Variants in PHF24 observed in about 807,000 individuals in gnomAD.
The protein encoded by PHF24 is PHD finger protein 24, also known as Galpha inhibitory interacting protein.
A neutral mutation model predicts 42.6 loss-of-function variants in PHF24; 25 were observed. The ratio of observed to expected loss-of-function variants is 0.59; its 90% CI spans 0.43 to 0.82. The LOEUF (loss-of-function observed/expected upper bound fraction) is 0.82. PHF24 is among the 40% of genes least tolerant of loss of function. The pLI, the probability that PHF24 is intolerant of heterozygous loss-of-function variation, is 0.00. For missense variants in PHF24, 470 were observed against 538.1 expected (o/e 0.87, Z 1.25); for synonymous variants, 185 against 204.8 (o/e 0.90, Z 0.83).
chr9:34,799,435 C>A, the PHF24 span, among the ~76,000 whole-genome samples: 1 of 152,126 alleles, frequency 6.6e-6, no homozygotes. Context: ...TAGCACATAG[C>A]AAGAAGTTCA....
chr9:34,718,032 C>T, the PHF24 span, among the ~76,000 whole-genome samples: 1 of 152,206 alleles, frequency 6.6e-6, no homozygotes, highest in Non-Finnish European at 1.5e-5. Flanking sequence ...CTTACTGTAT[C>T]TTCCACCTCC....
At chr9:34,881,559 A>G in the PHF24 span, among the ~76,000 whole-genome samples, 2 of 152,222 alleles carry the variant, frequency 1.3e-5, no homozygotes, top group African/African-American at 2.4e-5. Flanking sequence ...AATACAAACT[A>G]TCATCAGAGA....
chr9:34,838,489 A>C, the PHF24 span: 7 of 1,343,870 alleles, frequency 5.2e-6, no homozygotes, highest in Non-Finnish European at 7.3e-6. Flanking sequence ...AGTAGGGCTC[A>C]ACATGGTCTA....
chr9:34,944,873 T>G, the PHF24 span, among the ~76,000 whole-genome samples: 1 of 128,436 alleles, frequency 7.8e-6, no homozygotes, highest in Non-Finnish European at 1.6e-5. Context: ...GGAAACATAA[T>G]GAGAACTTGT....
chr9:34,784,493 GATGGT>G, the PHF24 span, among the ~76,000 whole-genome samples: 2 of 152,202 alleles, frequency 1.3e-5, no homozygotes, highest in African/African-American at 4.8e-5. Flanking sequence ...GGTACCATAA[GATGGT>G]ATGGTAGGTG....
chr9:34,917,295 C>T, the PHF24 span: 1 of 1,007,054 alleles, frequency 9.9e-7, no homozygotes, highest in African/African-American at 1.6e-5. Context: ...AAAAGGACTG[C>T]ACTGCAAGAC....
chr9:34,708,129 TG>T, the PHF24 span, among the ~76,000 whole-genome samples: 6 of 151,686 alleles, frequency 4.0e-5, no homozygotes, highest in African/African-American at 1.2e-4. Flanking sequence ...CGCCTGGAGG[TG>T]ATTTGGGGAA....
chr9:34,767,411 G>T, the PHF24 span, among the ~76,000 whole-genome samples: 1 of 152,254 alleles, frequency 6.6e-6, no homozygotes, highest in Non-Finnish European at 1.5e-5. Flanking sequence ...GGCAATGGCG[G>T]ACGCCCCTCC....
the PHF24 span, among the ~76,000 whole-genome samples, chr9:34,685,818 G>T: frequency 6.6e-6 from 1 of 152,196 alleles, no homozygotes; most frequent in Non-Finnish European, 1.5e-5. Flanking sequence ...TCCATGGGCT[G>T]CTTCTCCACA....
At chr9:34,791,205 T>C in the PHF24 span, among the ~76,000 whole-genome samples, 1 of 152,188 alleles carries the variant, frequency 6.6e-6, no homozygotes, top group African/African-American at 2.4e-5. Context: ...GCAGAAGGCT[T>C]GGACTAAGGT....
the PHF24 span, among the ~76,000 whole-genome samples, chr9:34,792,333 G>C: frequency 6.6e-6 from 1 of 152,136 alleles, no homozygotes; most frequent in Non-Finnish European, 1.5e-5. Context: ...GGGAGAACTG[G>C]GGCAAGGTTG....
At chr9:34,846,783 G>A in the PHF24 span, among the ~76,000 whole-genome samples, 1 of 152,188 alleles carries the variant, frequency 6.6e-6, no homozygotes, top group South Asian at 2.1e-4. Context: ...TGTATAAGGT[G>A]TAAGGAAGGG....
chr9:34,850,466 C>T, the PHF24 span, among the ~76,000 whole-genome samples: 1 of 152,150 alleles, frequency 6.6e-6, no homozygotes, highest in South Asian at 2.1e-4. Context: ...CTCCTTTAAG[C>T]ACTTCTCTGT....
chr9:34,833,427 C>A, the PHF24 span: 11 of 1,550,632 alleles, frequency 7.1e-6, no homozygotes, highest in Non-Finnish European at 2.6e-6. Context: ...TTAAGGTGAA[C>A]CCCTTCTGGA....
chr9:34,805,731 A>T, the PHF24 span, among the ~76,000 whole-genome samples: 1 of 151,972 alleles, frequency 6.6e-6, no homozygotes, highest in African/African-American at 2.4e-5. Context: ...CAATTTATCT[A>T]TTTTTTTCTT....
chr9:34,705,032 A>G, the PHF24 span, among the ~76,000 whole-genome samples: 12 of 152,076 alleles, frequency 7.9e-5, no homozygotes, highest in Admixed American at 2.6e-4. Context: ...AAGATTTTGT[A>G]GATTTTAGAG....
chr9:34,823,185 A>G, the PHF24 span, among the ~76,000 whole-genome samples: 2 of 140,990 alleles, frequency 1.4e-5, no homozygotes, highest in East Asian at 2.1e-4. Context: ...CCTGGGCGAC[A>G]TAGCGAGACT....
At chr9:34,873,731 A>G in the PHF24 span, among the ~76,000 whole-genome samples, 74 of 148,312 alleles carry the variant, frequency 5.0e-4, no homozygotes, top group Non-Finnish European at 3.2e-4. Flanking sequence ...GTTTTTTCCA[A>G]TTCTGTGAAG....
the PHF24 span, chr9:34,690,214 C>G: frequency 6.2e-7 from 1 of 1,614,126 alleles, no homozygotes; most frequent in Non-Finnish European, 8.5e-7. Context: ...ACTCACACTA[C>G]AGCAGGCACC....
Sources: allele counts gnomAD v4.1 joint callset (sites outside exome capture counted in the v4.1 genomes callset), GRCh38; gene constraint gnomAD v4.1.1; transcripts MANE v1.5; gene names NCBI Gene and HGNC (gene_info 2026-07-23, HGNC 2026-07-21).